MAGI1: variants seen among roughly 807,000 people sequenced by gnomAD.
MAGI1 encodes the protein membrane associated guanylate kinase, WW and PDZ domain containing 1, also known as membrane-associated guanylate kinase, WW and PDZ domain-containing protein 1.
A neutral mutation model predicts 139.9 loss-of-function variants in MAGI1; 58 were observed. The ratio of observed to expected loss-of-function variants is 0.41; its 90% confidence interval spans 0.34 to 0.52. The LOEUF is 0.52. Among genes scored for constraint, MAGI1 ranks in the 20% least tolerant of loss-of-function variants. The probability of loss-of-function intolerance (pLI) is 0.12; values close to 1 mark genes in which losing one functional copy is unlikely to be tolerated. For missense variants in MAGI1, 1,874 were observed against 1,901.6 expected, an observed-to-expected ratio of 0.99 and a Z score of 0.27; for synonymous variants, 812 against 737.9, an observed-to-expected ratio of 1.10 and a Z score of -1.63.
intron 1 of MAGI1, among the ~76,000 whole-genome samples, chr3:65,808,229 C>A (rs1382476459): frequency 6.6e-6 from 1 of 152,160 alleles, no homozygotes; most frequent in East Asian, 1.9e-4. Flanking sequence ...AGGTGATCCA[C>A]CCGCCTTGGC....
chr3:65,358,926 G>A, intron 22 of MAGI1: 1 of 792,184 alleles, frequency 1.3e-6, no homozygotes. Flanking sequence ...CTTCAACAGG[G>A]TCAGCGTTGT....
intron 13 of MAGI1, among the ~76,000 whole-genome samples, chr3:65,396,534 G>T (rs1470941940): frequency 6.6e-6 from 1 of 152,218 alleles, no homozygotes; most frequent in African/African-American, 2.4e-5. Flanking sequence ...TTCCCAGAAT[G>T]ATTTCAAAAT....
intron 1 of MAGI1, among the ~76,000 whole-genome samples, chr3:65,694,132 C>T (rs1040847086): frequency 2.0e-5 from 3 of 152,132 alleles, no homozygotes; most frequent in African/African-American, 7.2e-5. Flanking sequence ...AAAATAGAGC[C>T]AGATAACTAA....
chr3:65,461,057 T>G (rs183109480), intron 5 of MAGI1, among the ~76,000 whole-genome samples: 1 of 152,292 alleles, frequency 6.6e-6, no homozygotes, highest in East Asian at 1.9e-4. Context: ...CCTTTGGGTA[T>G]ATACCCAGTA....
chr3:65,827,107 A>T (rs2042268950), intron 1 of MAGI1, among the ~76,000 whole-genome samples: 1 of 152,214 alleles, frequency 6.6e-6, no homozygotes, highest in African/African-American at 2.4e-5. Context: ...TTTTTAAAGT[A>T]AGGATTTGCT....
chr3:65,845,279 A>G (rs959493519), intron 1 of MAGI1, among the ~76,000 whole-genome samples: 2 of 151,900 alleles, frequency 1.3e-5, no homozygotes, highest in Non-Finnish European at 2.9e-5. Flanking sequence ...AGAAGAGAAG[A>G]AAAAAGAAAA....
intron 1 of MAGI1, among the ~76,000 whole-genome samples, chr3:65,738,922 T>A (rs570239120): frequency 1.6e-4 from 24 of 152,324 alleles, no homozygotes; most frequent in African/African-American, 5.5e-4. Context: ...CCTAGAATCT[T>A]CAGAATAGTC....
intron 1 of MAGI1, among the ~76,000 whole-genome samples, chr3:65,868,233 G>T (rs1332506163): frequency 6.6e-6 from 1 of 152,140 alleles, no homozygotes; most frequent in Non-Finnish European, 1.5e-5. Context: ...AAATGATCCT[G>T]CAAACTGAGG....
intron 1 of MAGI1, among the ~76,000 whole-genome samples, chr3:65,731,527 T>G (rs1174460400): frequency 6.6e-6 from 1 of 151,024 alleles, no homozygotes; most frequent in Admixed American, 6.6e-5. Flanking sequence ...TGGTGGTGCA[T>G]GCCTGTAGTC....
At chr3:65,786,976 C>G (rs921868812) in intron 1 of MAGI1, among the ~76,000 whole-genome samples, 1 of 152,152 alleles carries the variant, frequency 6.6e-6, no homozygotes, top group Non-Finnish European at 1.5e-5. Context: ...TGTATTCCTA[C>G]TTAATGTTTT....
chr3:65,450,460 G>T (rs1948963964), intron 6 of MAGI1, among the ~76,000 whole-genome samples: 1 of 152,136 alleles, frequency 6.6e-6, no homozygotes, highest in African/African-American at 2.4e-5. Flanking sequence ...GTGAAGAAAA[G>T]TGACATATCA....
intron 1 of MAGI1, among the ~76,000 whole-genome samples, chr3:65,970,542 C>T (rs1466131129): frequency 6.7e-6 from 1 of 149,178 alleles, no homozygotes; most frequent in Non-Finnish European, 1.5e-5. Flanking sequence ...AAAAAAGAAT[C>T]AAGAAAGCTT....
chr3:65,381,746 G>T (rs1943071075), intron 16 of MAGI1, 131 bp downstream of exon 16: 1 of 840,980 alleles, frequency 1.2e-6, no homozygotes. Context: ...AAGCCATCTG[G>T]AAATTCTGAG....
At chr3:65,691,263 A>C (rs2088613827) in intron 1 of MAGI1, among the ~76,000 whole-genome samples, 1 of 149,486 alleles carries the variant, frequency 6.7e-6, no homozygotes, top group African/African-American at 2.5e-5. Context: ...AGATCGCGTC[A>C]CTGCACTCCA....
chr3:65,835,573 G>T (rs560647659), intron 1 of MAGI1, among the ~76,000 whole-genome samples: 1 of 151,262 alleles, frequency 6.6e-6, no homozygotes, highest in African/African-American at 2.4e-5. Context: ...TATGATAAAG[G>T]CCATTCGTGA....
intron 1 of MAGI1, among the ~76,000 whole-genome samples, chr3:65,974,267 T>C (rs2065146983): frequency 6.6e-6 from 1 of 150,780 alleles, no homozygotes; most frequent in Non-Finnish European, 1.5e-5. Context: ...CCCTCAAACA[T>C]TTGTTGAAAG....
intron 2 of MAGI1, among the ~76,000 whole-genome samples, chr3:65,502,002 C>G (rs543914699): frequency 6.6e-6 from 1 of 152,244 alleles, no homozygotes; most frequent in South Asian, 2.1e-4. Context: ...GATGGAGAAT[C>G]AAGCAGTGGT....
chr3:66,005,259 C>T (rs1264435749), intron 1 of MAGI1, among the ~76,000 whole-genome samples: 3 of 152,168 alleles, frequency 2.0e-5, no homozygotes, highest in Non-Finnish European at 4.4e-5. Flanking sequence ...AATGCTGCAT[C>T]TCCCAGCAGG....
At chr3:65,950,097 A>AC (rs2063753068) in intron 1 of MAGI1, among the ~76,000 whole-genome samples, 2 of 87,716 alleles carry the variant, frequency 2.3e-5, no homozygotes, top group Admixed American at 1.4e-4. Context: ...AAACAAACAA[A>AC]AAAAAAAAAC....
Sources: gnomAD v4.1 joint callset for allele counts (sites outside exome capture counted in the v4.1 genomes callset) on GRCh38, gnomAD v4.1.1 for gene constraint, MANE v1.5 for transcripts, NCBI Gene and HGNC (gene_info 2026-07-23, HGNC 2026-07-21) for gene names.